HS3ST1: variants seen among roughly 807,000 people sequenced by gnomAD.
The protein encoded by HS3ST1 is heparan sulfate glucosamine 3-O-sulfotransferase 1.
A neutral mutation model predicts 20.7 loss-of-function variants in HS3ST1; 8 were observed. That is an observed-to-expected ratio of 0.39 (90% CI 0.23 to 0.70). The LOEUF (loss-of-function observed/expected upper bound fraction) is 0.70. Ranked by LOEUF, HS3ST1 falls within the 30% of genes least tolerant of loss-of-function variation. The pLI, the probability that HS3ST1 is intolerant of heterozygous loss-of-function variation, is 0.46. For missense variants in HS3ST1, 436 were observed against 423.4 expected, an observed-to-expected ratio of 1.03 and a Z score of -0.26; for synonymous variants, 205 against 190.4, an observed-to-expected ratio of 1.08 and a Z score of -0.63.
chr4:11,396,968 CAG>C lies in HS3ST1; in HGVS notation c.*2112_*2113del, dbSNP rs1349031844. The stretch of plus-strand genomic sequence containing the variant: ...CATGCTTCTACCAGACCATCCCTGT[CAG>C]GGGACAGGAATTTACAGGCAGTTTG... On this transcript the variant is annotated 3_prime_UTR_variant, in exon 2 of 2. Coordinates refer to ENST00000002596, the MANE Select transcript of HS3ST1 (RefSeq NM_005114.4). 6.6e-6 allele frequency: 1 copy of C among 152,322 alleles called. No homozygotes were observed. Among genetic ancestry groups the C allele is most frequent in the African/African-American group, 2.4e-5 (1 of 41,454 alleles). The allele number at this position is 152,322 out of a possible 1,614,324, so 9.4% of individuals were successfully genotyped here. A position where few individuals can be genotyped will look rare whatever the true frequency, so the allele number is the denominator to read the frequency against.
At chr4:11,429,693 G>T (rs1276119534), upstream of HS3ST1, 1 of 103,140 alleles carries the variant, frequency 9.7e-6, no homozygotes, top group Non-Finnish European at 1.8e-5. Flanking sequence ...CACTAGGATT[G>T]CAAACGTCAG....
chr4:11,431,761 G>T (rs1281175429), upstream of HS3ST1, among the ~76,000 whole-genome samples: 1 of 152,160 alleles, frequency 6.6e-6, no homozygotes, highest in East Asian at 1.9e-4. Context: ...AATAATACCA[G>T]CTAAAGTGTA....
In HS3ST1 at chr4:11,399,567, G is replaced by C; in HGVS notation, c.439C>G (p.Arg147Gly). 6.2e-7 allele frequency: 1 copy of C among 1,613,832 alleles called. No individual in the cohort carries two copies. Among genetic ancestry groups the C allele is most frequent in the Non-Finnish European group, 8.5e-7 (1 of 1,180,022 alleles). The stretch of plus-strand genomic sequence containing the variant: ...GATAGCACGCGCTCCGACGGGTCTC[G>C]CAGGATGAGCAGCAGCCGGATGGAC... Reference protein sequence around the residue: ...NPSIRLLLILRDPSERVLSDY... With the variant: ...NPSIRLLLILGDPSERVLSDY... The change falls in exon 2 of 2, where the codon CGA (arginine) becomes GGA (glycine). Residue 147 changes from arginine (R) to glycine (G), a missense_variant. Arg to Gly is a moderately radical substitution (Grantham distance 125). Transcript: ENST00000002596. The surrounding 1 kb of genome is among the most constrained non-coding windows in gnomAD (Gnocchi z 5.1).
At chr4:11,400,703 G>A (rs1428417579) in intron 1 of HS3ST1, among the ~76,000 whole-genome samples, 3 of 152,212 alleles carry the variant, frequency 2.0e-5, no homozygotes, top group African/African-American at 7.2e-5. Context: ...CCAGCCAGGG[G>A]CTCCTAATCT....
chr4:11,422,603 A>G (rs1405579422), intron 1 of HS3ST1, among the ~76,000 whole-genome samples: 1 of 152,178 alleles, frequency 6.6e-6, no homozygotes, highest in African/African-American at 2.4e-5. Flanking sequence ...CAATGACAAG[A>G]ACTATTTCTT....
chr4:11,428,533 C>T (rs1719126768), intron 1 of HS3ST1, 166 bp downstream of exon 1: 1 of 152,546 alleles, frequency 6.6e-6, no homozygotes, highest in African/African-American at 2.4e-5. Context: ...TGGGAAAATC[C>T]CCAGCCTTTG....
At chr4:11,414,197 T>A (rs554231936) in intron 1 of HS3ST1, 1 of 152,354 alleles carries the variant, frequency 6.6e-6, no homozygotes, top group East Asian at 1.9e-4. Context: ...TATTCTGTCA[T>A]GTTCATTAGA....
rs761155206 is a variant in HS3ST1, at chr4:11,396,479, T to G, written c.*2603A>C. On this transcript the variant is annotated 3_prime_UTR_variant, in exon 2 of 2. Transcript: ENST00000002596. ...CCCCTTCCACTGACACCTGTCTCTG[T>G]TAATGGAATTGGTAGAAGGCATGTT... 1 of 152,288 alleles carries G rather than the reference T, an allele frequency of 6.6e-6. No individual in the cohort carries two copies. The highest frequency in any genetic ancestry group is 2.4e-5 in the African/African-American group (1 of 41,446). 9.4% of individuals were successfully genotyped at this position (152,288 alleles called of 1,614,324 possible).
chr4:11,416,756 G>T (rs1450818460), intron 1 of HS3ST1, among the ~76,000 whole-genome samples: 4 of 152,216 alleles, frequency 2.6e-5, no homozygotes, highest in Non-Finnish European at 5.9e-5. Context: ...CCTTGCTTTT[G>T]CATGGCCCTG....
At chr4:11,411,477 C>G (rs1403264518) in intron 1 of HS3ST1, among the ~76,000 whole-genome samples, 2 of 152,158 alleles carry the variant, frequency 1.3e-5, no homozygotes, top group East Asian at 1.9e-4. Context: ...AAATTAGTAT[C>G]TCATTTGCCT....
intron 1 of HS3ST1, among the ~76,000 whole-genome samples, chr4:11,423,835 C>T (rs1383470916): frequency 1.3e-5 from 2 of 152,276 alleles, no homozygotes; most frequent in Middle Eastern, 3.4e-3. Flanking sequence ...ACAACATGCC[C>T]TCCTGAATTT....
intron 1 of HS3ST1, among the ~76,000 whole-genome samples, chr4:11,418,183 T>C (rs1004310456): frequency 6.6e-6 from 1 of 152,208 alleles, no homozygotes; most frequent in Admixed American, 6.5e-5. Flanking sequence ...TGTGGCACTT[T>C]AGCCACCTGG....
chr4:11,420,907 A>G (rs1718914248), intron 1 of HS3ST1, among the ~76,000 whole-genome samples: 1 of 152,210 alleles, frequency 6.6e-6, no homozygotes, highest in South Asian at 2.1e-4. Flanking sequence ...AACTTTCAGA[A>G]AAGAATCGTT....
chr4:11,413,047 C>T (rs1718679338), intron 1 of HS3ST1, among the ~76,000 whole-genome samples: 2 of 152,274 alleles, frequency 1.3e-5, no homozygotes, highest in Non-Finnish European at 2.9e-5. Context: ...AGAGGGCTCT[C>T]ACCAGAACCC....
intron 1 of HS3ST1, among the ~76,000 whole-genome samples, chr4:11,416,532 T>G (rs1718786367): frequency 6.6e-6 from 1 of 152,176 alleles, no homozygotes; most frequent in South Asian, 2.1e-4. Flanking sequence ...TAGGCTGAGA[T>G]CAACACCTAC....
Position 11,393,803 on chromosome 4 carries a change from C to T in HS3ST1, c.*5279G>A, listed in dbSNP as rs1718067856. ...TGGGTCAGTCAATCATTAGTCATGC[C>T]CTAACCCTAGGAAAGCAGGGGAGTG... On this transcript the variant is annotated 3_prime_UTR_variant, in exon 2 of 2. Transcript: ENST00000002596. The T allele has an allele frequency of 6.6e-6, 1 of 152,166 alleles. No homozygotes were observed. The highest frequency in any genetic ancestry group is 1.9e-4 in the East Asian group (1 of 5,180). 9.4% of individuals were successfully genotyped at this position (152,166 alleles called of 1,614,324 possible). A position where few individuals can be genotyped will look rare whatever the true frequency, so the allele number is the denominator to read the frequency against.
In HS3ST1 at chr4:11,398,184, C is replaced by T. The variant is rs926651443; in HGVS notation, c.*898G>A. Reference sequence around the variant, plus strand: ...ATATATGTCTATAATGCCAATGTGTCTTTCAGGAAGTAAGCAGACTTTCAG... The same window carrying T: ...ATATATGTCTATAATGCCAATGTGTTTTTCAGGAAGTAAGCAGACTTTCAG... On this transcript the variant is annotated 3_prime_UTR_variant, in exon 2 of 2. Coordinates refer to ENST00000002596, the MANE Select transcript of HS3ST1 (RefSeq NM_005114.4). The T allele has an allele frequency of 6.6e-6, 1 of 152,200 alleles. No individual in the cohort carries two copies. 9.4% of individuals were successfully genotyped at this position (152,200 alleles called of 1,614,324 possible). A position where few individuals can be genotyped will look rare whatever the true frequency, so the allele number is the denominator to read the frequency against.
intron 1 of HS3ST1, among the ~76,000 whole-genome samples, chr4:11,411,553 A>T (rs1031495565): frequency 6.6e-6 from 1 of 152,164 alleles, no homozygotes; most frequent in Non-Finnish European, 1.5e-5. Flanking sequence ...GAAATATTTA[A>T]ATGCCATGTA....
upstream of HS3ST1, chr4:11,429,376 C>T (rs1198993054): frequency 6.6e-6 from 1 of 152,474 alleles, no homozygotes; most frequent in Admixed American, 6.5e-5. Flanking sequence ...CTGTGCTCCT[C>T]CCACGTGAGT....
Sources: allele counts gnomAD v4.1 joint callset (sites outside exome capture counted in the v4.1 genomes callset), GRCh38; gene constraint gnomAD v4.1.1; non-coding constraint Gnocchi (gnomAD v3.1); transcripts MANE v1.5; gene names NCBI Gene and HGNC (gene_info 2026-07-23, HGNC 2026-07-21).